GRAMD2A: variants seen among roughly 807,000 people sequenced by gnomAD.
GRAMD2A encodes the protein GRAM domain containing 2A.
A neutral mutation model predicts 51.1 loss-of-function variants in GRAMD2A; 37 were observed. That is an observed-to-expected ratio of 0.72 (90% confidence interval 0.56 to 0.95). The LOEUF is 0.95. Ranked by LOEUF, GRAMD2A falls within the 40% of genes least tolerant of loss-of-function variation. The pLI, the probability that GRAMD2A is intolerant of heterozygous loss-of-function variation, is 0.00. For synonymous variants in GRAMD2A, 136 were observed against 157.1 expected (o/e 0.87, Z 1.01); for missense variants, 414 against 426.9 (o/e 0.97, Z 0.27).
At chr15:72,189,192 T>C (rs1334240059) in intron 1 of GRAMD2A, among the ~76,000 whole-genome samples, 4 of 152,206 alleles carry the variant, frequency 2.6e-5, no homozygotes, top group Admixed American at 2.0e-4. Context: ...TATTAATGAA[T>C]AGACACCTCT....
chr15:72,162,358 A>T lies in GRAMD2A; in HGVS notation c.976T>A (p.Ser326Thr), dbSNP rs1159098320. 6.2e-7 allele frequency: 1 copy of T among 1,613,648 alleles called. No individual in the cohort carries two copies. Among genetic ancestry groups the T allele is most frequent in the African/African-American group, 1.3e-5 (1 of 74,932 alleles). ...FFVLICFLVM[S>T]SSYLAFRISR... is the part of the protein sequence containing the mutation. ...ATACGGAACGCCAGGTAGGATGAGG[A>T]CATGACCAGGAAGCAGATCCTGAAG... The change falls in exon 11 of 12, where the codon TCC (serine) becomes ACC (threonine). Residue 326 changes from serine (S) to threonine (T), a missense_variant. Ser to Thr is a moderately conservative substitution (Grantham distance 58, BLOSUM62 1). Coordinates refer to ENST00000309731, the MANE Select transcript of GRAMD2A (RefSeq NM_001012642.3).
At position 72,167,143 on chromosome 15, in the gene GRAMD2A, C is replaced by A. The variant is rs779127863; in HGVS notation, c.373-51G>T. On this transcript the variant is annotated intron_variant, in intron 5 of 11. Coordinates refer to ENST00000309731, the MANE Select transcript of GRAMD2A (RefSeq NM_001012642.3). ...CAGGACTAACCCCCAAGGACGTGGT[C>A]CCTTTGCTCCCTGCCTAGGGACCCA... 1.8e-5 allele frequency: 24 copies of A among 1,363,538 alleles called. No homozygotes were observed. In the African/African-American group the frequency reaches 2.9e-4, roughly 16 times the overall value. The allele number at this position is 1,363,538 out of a possible 1,614,324, so 84.5% of individuals were successfully genotyped here. A position where few individuals can be genotyped will look rare whatever the true frequency, so the allele number is the denominator to read the frequency against.
chr15:72,162,513 C>G (rs1433604944), intron 10 of GRAMD2A, 136 bp from the exon 11 acceptor site: 3 of 624,102 alleles, frequency 4.8e-6, no homozygotes, highest in Non-Finnish European at 8.5e-6. Flanking sequence ...GCAGCCAGTT[C>G]AGGCCTCAGC....
rs1257433606 is a variant in GRAMD2A at position 72,160,527 on chromosome 15, C to G, written c.*1482G>C. ...TTGGGTTTGTCATAAACAGGACAGA[C>G]AGTCGTCTGCTTCACAATAAATAAT... is the stretch of plus-strand genomic sequence containing the variant. On this transcript the variant is annotated 3_prime_UTR_variant, in exon 12 of 12. Transcript: ENST00000309731. 1.1e-4 allele frequency: 17 copies of G among 152,174 alleles called. No individual in the cohort carries two copies. Among genetic ancestry groups the G allele is most frequent in the Admixed American group, 1.1e-3 (17 of 15,278 alleles). The allele number at this position is 152,174 out of a possible 1,614,324, so 9.4% of individuals were successfully genotyped here. A position where few individuals can be genotyped will look rare whatever the true frequency, so the allele number is the denominator to read the frequency against.
intron 4 of GRAMD2A, among the ~76,000 whole-genome samples, chr15:72,168,199 G>A (rs938995930): frequency 6.6e-6 from 1 of 152,172 alleles, no homozygotes; most frequent in Non-Finnish European, 1.5e-5. Flanking sequence ...TTGTGCAAAT[G>A]CCCCCACCTG....
At chr15:72,163,100 A>G (rs1305322393) in intron 10 of GRAMD2A, among the ~76,000 whole-genome samples, 166 bp downstream of exon 10, 2 of 152,158 alleles carry the variant, frequency 1.3e-5, no homozygotes, top group African/African-American at 4.8e-5. Flanking sequence ...TTCTCTTGCT[A>G]CAGAAGGGCG....
At chr15:72,181,393 G>C (rs1485626572) in intron 1 of GRAMD2A, among the ~76,000 whole-genome samples, 1 of 152,222 alleles carries the variant, frequency 6.6e-6, no homozygotes, top group Non-Finnish European at 1.5e-5. Context: ...TGGTGAAACA[G>C]GAATGACTCG....
At chr15:72,179,982 C>T (rs1409825112) in intron 1 of GRAMD2A, among the ~76,000 whole-genome samples, 1 of 152,232 alleles carries the variant, frequency 6.6e-6, no homozygotes, top group Non-Finnish European at 1.5e-5. Context: ...GACTGCCTCC[C>T]ACCACCATGG....
At chr15:72,177,638 G>A (rs1269893735) in intron 1 of GRAMD2A, among the ~76,000 whole-genome samples, 4 of 152,242 alleles carry the variant, frequency 2.6e-5, no homozygotes, top group Non-Finnish European at 5.9e-5. Context: ...TATGAAAATT[G>A]TAGTACCAGT....
chr15:72,165,341 C>G lies in GRAMD2A; in HGVS notation c.600+13G>C. 1 of 1,613,646 alleles carries G rather than the reference C, an allele frequency of 6.2e-7. No individual in the cohort carries two copies. Among genetic ancestry groups the G allele is most frequent in the Non-Finnish European group, 8.5e-7 (1 of 1,179,642 alleles). On this transcript the variant is annotated intron_variant, in intron 8 of 11. Transcript: ENST00000309731. Reference sequence around the variant, plus strand: ...TCAGTCCAGCAGTCTTTGCTCCCAGCTTCAGCTCTCACCAGAGACTCAGGT... The same window carrying G: ...TCAGTCCAGCAGTCTTTGCTCCCAGGTTCAGCTCTCACCAGAGACTCAGGT...
chr15:72,166,536 G>A lies in GRAMD2A; in HGVS notation c.543+96C>T. On this transcript the variant is annotated intron_variant, in intron 7 of 11. Transcript: ENST00000309731. The surrounding 1 kb of genome is among the most constrained non-coding windows in gnomAD (Gnocchi z 4.1). ...CCCCTCTCCCTGCCCCATTCCCTGT[G>A]CTGGAGAGATGGGCGACCTCCCCCA... 1.2e-6 allele frequency: 1 copy of A among 859,008 alleles called. No homozygotes were observed. Among genetic ancestry groups the A allele is most frequent in the East Asian group, 2.4e-5 (1 of 41,326 alleles). The allele number at this position is 859,008 out of a possible 1,614,324, so 53.2% of individuals were successfully genotyped here.
intron 1 of GRAMD2A, among the ~76,000 whole-genome samples, chr15:72,186,603 G>A (rs762674083): frequency 2.7e-4 from 41 of 152,246 alleles, no homozygotes; most frequent in African/African-American, 6.3e-4. Flanking sequence ...GATTACGGGC[G>A]TGAGCCACTG....
Position 72,166,513 on chromosome 15 carries a change from C to T in GRAMD2A, c.543+119G>A, listed in dbSNP as rs2081546570. The T allele has an allele frequency of 1.3e-6, 1 of 741,178 alleles. No individual in the cohort carries two copies. Among genetic ancestry groups the T allele is most frequent in the Non-Finnish European group, 2.4e-6 (1 of 412,136 alleles). The allele number at this position is 741,178 out of a possible 1,614,324, so 45.9% of individuals were successfully genotyped here. On this transcript the variant is annotated intron_variant, in intron 7 of 11. Transcript: ENST00000309731. The surrounding 1 kb of genome is among the most constrained non-coding windows in gnomAD (Gnocchi z 4.1). ...ACATTGAGCCTGAGCCTTTAACTCCCCTCTCCCTGCCCCATTCCCTGTGCT... is the reference window on the plus strand; with the variant it reads ...ACATTGAGCCTGAGCCTTTAACTCCTCTCTCCCTGCCCCATTCCCTGTGCT...
intron 1 of GRAMD2A, among the ~76,000 whole-genome samples, chr15:72,182,090 C>G (rs916484612): frequency 5.3e-5 from 8 of 152,114 alleles, no homozygotes; most frequent in Admixed American, 4.6e-4. Context: ...TTCGGCCAGG[C>G]GCAGTGGCTC....
At chr15:72,178,898 A>G (rs1304117364) in intron 1 of GRAMD2A, among the ~76,000 whole-genome samples, 2 of 151,690 alleles carry the variant, frequency 1.3e-5, no homozygotes, top group Non-Finnish European at 2.9e-5. Context: ...TAGAAGCTGT[A>G]CCTCCCTTTT....
chr15:72,164,017 CT>C, intron 8 of GRAMD2A: 1 of 424,406 alleles, frequency 2.4e-6, no homozygotes, highest in Non-Finnish European at 4.2e-6. Context: ...ACAGTGGGAT[CT>C]TAGATGTGAG....
chr15:72,180,686 T>A (rs2081690574), intron 1 of GRAMD2A, among the ~76,000 whole-genome samples: 1 of 152,074 alleles, frequency 6.6e-6, no homozygotes, highest in Admixed American at 6.6e-5. Context: ...GGTCTTGGGG[T>A]CCTGAAAGAG....
At chr15:72,178,543 T>C (rs1453413132) in intron 1 of GRAMD2A, among the ~76,000 whole-genome samples, 4 of 151,654 alleles carry the variant, frequency 2.6e-5, no homozygotes, top group African/African-American at 4.8e-5. Flanking sequence ...GCAAAAATAA[T>C]GTCATTATTG....
intron 1 of GRAMD2A, among the ~76,000 whole-genome samples, chr15:72,184,042 C>T (rs1426929157): frequency 6.6e-6 from 1 of 152,250 alleles, no homozygotes; most frequent in African/African-American, 2.4e-5. Flanking sequence ...CGCCCTCCCT[C>T]GCGGGAAAAG....
Sources: gnomAD v4.1 joint callset for allele counts (sites outside exome capture counted in the v4.1 genomes callset) on GRCh38, gnomAD v4.1.1 for gene constraint, Gnocchi (gnomAD v3.1) non-coding constraint, MANE v1.5 for transcripts, NCBI Gene and HGNC (gene_info 2026-07-23, HGNC 2026-07-21) for gene names.